Variants in NTM observed in about 807,000 individuals in gnomAD.
The protein encoded by NTM is IgLON family member 2.
A neutral mutation model predicts 42.1 loss-of-function variants in NTM; 13 were observed. The observed-to-expected ratio is 0.31, with a 90% CI of 0.20 to 0.49. The LOEUF (loss-of-function observed/expected upper bound fraction) is 0.49. Among genes scored for constraint, NTM ranks in the 20% least tolerant of loss-of-function variants. NTM has a pLI of 0.99. For synonymous variants in NTM, 187 were observed against 179.2 expected (o/e 1.04, Z -0.35); for missense variants, 373 against 452.8 (o/e 0.82, Z 1.60).
At chr11:132,116,604 A>G (rs2063936005) in intron 2 of NTM, among the ~76,000 whole-genome samples, 1 of 152,168 alleles carries the variant, frequency 6.6e-6, no homozygotes, top group Non-Finnish European at 1.5e-5. Context: ...CATCATTCAG[A>G]GCAGGAGTGT....
intron 4 of NTM, among the ~76,000 whole-genome samples, chr11:132,276,289 G>T (rs2093725210): frequency 6.6e-6 from 1 of 152,046 alleles, no homozygotes; most frequent in South Asian, 2.1e-4. Flanking sequence ...TGTGAATAAT[G>T]CTGTAATAAA....
chr11:131,677,608 A>G (rs2071655305), intron 1 of NTM, among the ~76,000 whole-genome samples: 1 of 152,210 alleles, frequency 6.6e-6, no homozygotes, highest in East Asian at 1.9e-4. Flanking sequence ...CTCTGGTACC[A>G]GCAATGTCCA....
In NTM at chr11:131,660,797, T is replaced by TAAATATAGAAAGGTA. The variant is rs1293676691; in HGVS notation, c.83-250766_83-250752dup. On this transcript the variant is annotated intron_variant, in intron 1 of 8. Transcript: ENST00000683400. ...CTACTTGCGAACTCCTGAGTTTCAT[T>TAAATATAGAAAGGTA]AAATATAGAAAGGTAGGATGAAAAA... 20 of 1,145,460 alleles carry TAAATATAGAAAGGTA rather than the reference T, an allele frequency of 1.7e-5. No individual in the cohort carries two copies. The East Asian group carries it at 1.2e-3, about 68-fold the overall frequency. The allele number at this position is 1,145,460 out of a possible 1,614,324, so 71.0% of individuals were successfully genotyped here. A position where few individuals can be genotyped will look rare whatever the true frequency, so the allele number is the denominator to read the frequency against.
intron 1 of NTM, among the ~76,000 whole-genome samples, chr11:131,835,097 C>T (rs549977798): frequency 1.3e-5 from 2 of 152,232 alleles, no homozygotes; most frequent in South Asian, 2.1e-4. Flanking sequence ...ACTCTGGAGA[C>T]TGGATGTATT....
intron 2 of NTM, among the ~76,000 whole-genome samples, chr11:131,928,943 G>T (rs910875896): frequency 1.3e-5 from 2 of 152,138 alleles, no homozygotes; most frequent in African/African-American, 2.4e-5. Flanking sequence ...TTTTCAATCA[G>T]TACAAACCTC....
At chr11:131,571,947 G>A (rs1201387123) in intron 1 of NTM, among the ~76,000 whole-genome samples, 2 of 152,200 alleles carry the variant, frequency 1.3e-5, no homozygotes. Context: ...CTTGGGCAGG[G>A]TACAGTGGGC....
At chr11:132,267,708 GT>G (rs1277383163) in intron 4 of NTM, among the ~76,000 whole-genome samples, 1 of 151,822 alleles carries the variant, frequency 6.6e-6, no homozygotes, top group East Asian at 1.9e-4. Flanking sequence ...CCCAGCTGAG[GT>G]GGGAGAATTG....
At chr11:131,453,983 C>T (rs911540437) in intron 1 of NTM, among the ~76,000 whole-genome samples, 1 of 152,330 alleles carries the variant, frequency 6.6e-6, no homozygotes, top group South Asian at 2.1e-4. Flanking sequence ...CATCTGGGAC[C>T]TTCTCATCAA....
chr11:131,614,718 C>G (rs568069471), intron 1 of NTM, among the ~76,000 whole-genome samples: 19 of 152,224 alleles, frequency 1.2e-4, no homozygotes, highest in Non-Finnish European at 2.2e-4. Context: ...CATTGTCTGT[C>G]TCAGACAGTT....
At chr11:131,507,189 T>C (rs2047589846) in intron 1 of NTM, among the ~76,000 whole-genome samples, 1 of 152,302 alleles carries the variant, frequency 6.6e-6, no homozygotes, top group Non-Finnish European at 1.5e-5. Context: ...GGAACCTAAG[T>C]TGAAATTTGC....
chr11:132,330,026 T>C lies in NTM; in HGVS notation c.935-127T>C, dbSNP rs903219468. On this transcript the variant is annotated intron_variant, in intron 7 of 8. Transcript: ENST00000683400. The stretch of plus-strand genomic sequence containing the variant: ...GCAGTGGTCAGGACAGCAAGGGACA[T>C]GGGCAAGAGGCGCAGGGACGCTGCT... 14 of 1,447,594 alleles carry C rather than the reference T, an allele frequency of 9.7e-6. No individual in the cohort carries two copies. In the Admixed American group the frequency reaches 1.6e-4, roughly 17 times the overall value. 89.7% of individuals were successfully genotyped at this position (1,447,594 alleles called of 1,614,324 possible).
Position 131,399,229 on chromosome 11 carries a change from G to C in NTM, c.82+28341G>C, listed in dbSNP as rs1193926401. On this transcript the variant is annotated intron_variant, in intron 1 of 8. Coordinates refer to ENST00000683400, the MANE Select transcript of NTM (RefSeq NM_001352005.2). ...TGTTCATTCCAAGCTGGAGTCCATG[G>C]GTCCATAGTTATCTCCCTTTGAACC... Among the ~76,000 whole-genome samples, 12 of 152,148 alleles carry C rather than the reference G, an allele frequency of 7.9e-5. No individual in the cohort carries two copies. The South Asian group carries it at 2.1e-3, about 26-fold the overall frequency.
chr11:131,466,285 C>G (rs1951881162), intron 1 of NTM, among the ~76,000 whole-genome samples: 1 of 152,152 alleles, frequency 6.6e-6, no homozygotes, highest in Admixed American at 6.5e-5. Context: ...ACAAATGCAG[C>G]CCAGATTTAT....
intron 2 of NTM, among the ~76,000 whole-genome samples, chr11:132,095,417 C>T (rs2060849814): frequency 1.3e-5 from 2 of 152,028 alleles, no homozygotes; most frequent in South Asian, 4.2e-4. Context: ...GCTACCTCTT[C>T]CGCATCATTT....
At chr11:131,478,163 T>C (rs965965516) in intron 1 of NTM, among the ~76,000 whole-genome samples, 2 of 152,196 alleles carry the variant, frequency 1.3e-5, no homozygotes, top group African/African-American at 4.8e-5. Context: ...GCCATTCACA[T>C]TTCATTTCTT....
At chr11:131,710,403 C>T (rs1207805253) in intron 1 of NTM, among the ~76,000 whole-genome samples, 1 of 152,064 alleles carries the variant, frequency 6.6e-6, no homozygotes, top group East Asian at 1.9e-4. Context: ...CAAGCGGGTC[C>T]ATGTTCCCCA....
rs150729512 is a variant in NTM at position 132,036,365 on chromosome 11, T to C, written c.168-109917T>C. Among the ~76,000 whole-genome samples, 6 of 152,298 alleles carry C rather than the reference T, an allele frequency of 3.9e-5. No individual in the cohort carries two copies. The East Asian group carries it at 1.2e-3, about 29-fold the overall frequency. ...TTGGCAGCATGGGGGAAATTGGGTG[T>C]AAGGAATATTCTGACCCATTCCACT... is the stretch of plus-strand genomic sequence containing the variant. On this transcript the variant is annotated intron_variant, in intron 2 of 8. Transcript: ENST00000683400.
intron 1 of NTM, among the ~76,000 whole-genome samples, chr11:131,516,665 A>AT (rs1461301806): frequency 6.6e-6 from 1 of 152,150 alleles, no homozygotes; most frequent in Admixed American, 6.5e-5. Context: ...AGCCACCACA[A>AT]TTGGCCCCCT....
chr11:131,600,993 A>T (rs1379541430), intron 1 of NTM, among the ~76,000 whole-genome samples: 1 of 152,184 alleles, frequency 6.6e-6, no homozygotes, highest in African/African-American at 2.4e-5. Context: ...CAGCTTGAAG[A>T]TCATATGCCC....
Sources: gnomAD v4.1 joint callset for allele counts (sites outside exome capture counted in the v4.1 genomes callset) on GRCh38, gnomAD v4.1.1 for gene constraint, MANE v1.5 for transcripts, NCBI Gene and HGNC (gene_info 2026-07-23, HGNC 2026-07-21) for gene names.